UTRN: variants seen among roughly 807,000 people sequenced by gnomAD.
UTRN encodes utrophin.
In UTRN, 283 loss-of-function variants were observed where a neutral mutation model predicts 463.9. That is an observed-to-expected ratio of 0.61 (90% confidence interval 0.55 to 0.67). UTRN has a LOEUF of 0.67. Ranked by LOEUF, UTRN falls within the 30% of genes least tolerant of loss-of-function variation. The probability of loss-of-function intolerance (pLI) is 0.00; values close to 1 mark genes in which losing one functional copy is unlikely to be tolerated. For synonymous variants in UTRN, 1,442 were observed against 1,431.5 expected, an observed-to-expected ratio of 1.01 and a Z score of -0.17; for missense variants, 3,922 against 4,084.3, an observed-to-expected ratio of 0.96 and a Z score of 1.08.
At position 144,533,100 on chromosome 6, in the gene UTRN, A is replaced by C. The variant is rs149019901; in HGVS notation, c.6073A>C (p.Ile2025Leu). ...RIHQQELEVG[I>L]SSHQPSFAAL... ...TCTGTTACAGGAACTTGAGGTGGGC[A>C]TCAGCAGCCACCAGCCCAGTTTTGC... Residue 2025 changes from isoleucine to leucine, a missense_variant, in exon 43 of 75, where the codon ATC becomes CTC. Ile to Leu is a conservative substitution (Grantham distance 5). Around this residue, in one of 3 missense-constraint regions of UTRN, gnomAD observed 2,349 missense variants for 2,303.8 expected, o/e 1.02. Transcript: ENST00000367545. 4 of 1,603,470 alleles carry C rather than the reference A, an allele frequency of 2.5e-6. No homozygotes were observed. The African/African-American group carries it at 5.4e-5, about 21-fold the overall frequency.
intron 13 of UTRN, among the ~76,000 whole-genome samples, chr6:144,442,457 T>C (rs572471470): frequency 1.3e-5 from 2 of 152,312 alleles, no homozygotes; most frequent in South Asian, 4.1e-4. Context: ...CGATTTACTA[T>C]ATTAGTCCAT....
At chr6:144,465,179 C>T (rs1268145514) in intron 23 of UTRN, among the ~76,000 whole-genome samples, 1 of 152,200 alleles carries the variant, frequency 6.6e-6, no homozygotes, top group Non-Finnish European at 1.5e-5. Flanking sequence ...CCTTTGTTTT[C>T]AGATTTAAGT....
At chr6:144,502,367 G>A (rs1328242845) in intron 34 of UTRN, among the ~76,000 whole-genome samples, 1 of 151,572 alleles carries the variant, frequency 6.6e-6, no homozygotes, top group Non-Finnish European at 1.5e-5. Flanking sequence ...TCATCAACCC[G>A]TCATCTACAT....
intron 53 of UTRN, among the ~76,000 whole-genome samples, chr6:144,709,460 CA>C (rs1785440541): frequency 6.6e-6 from 1 of 152,018 alleles, no homozygotes; most frequent in Non-Finnish European, 1.5e-5. Flanking sequence ...TCTTACAGCT[CA>C]AAAGTACATA....
At chr6:144,823,141 AT>A (rs1318416125) in intron 66 of UTRN, among the ~76,000 whole-genome samples, 1 of 152,128 alleles carries the variant, frequency 6.6e-6, no homozygotes, top group Non-Finnish European at 1.5e-5. Context: ...GCCTCAATTC[AT>A]TCAATTGAAA....
chr6:144,642,147 T>C (rs962648753), intron 51 of UTRN, among the ~76,000 whole-genome samples: 2 of 152,222 alleles, frequency 1.3e-5, no homozygotes, highest in Non-Finnish European at 2.9e-5. Flanking sequence ...TCTGAACTTC[T>C]CTTTTTATTA....
chr6:144,511,153 A>G (rs906591785), intron 35 of UTRN, 30 bp downstream of exon 35: 19 of 1,457,932 alleles, frequency 1.3e-5, no homozygotes, highest in Non-Finnish European at 1.6e-5. Context: ...AAATGATGAA[A>G]TCTTCTCCTC....
chr6:144,771,553 G>A (rs1448489707), intron 58 of UTRN, among the ~76,000 whole-genome samples: 1 of 152,012 alleles, frequency 6.6e-6, no homozygotes, highest in Non-Finnish European at 1.5e-5. Context: ...ACCCTCCTGA[G>A]TAGCTAGGAC....
At chr6:144,718,126 A>G (rs896392896) in intron 53 of UTRN, among the ~76,000 whole-genome samples, 1 of 152,186 alleles carries the variant, frequency 6.6e-6, no homozygotes, top group African/African-American at 2.4e-5. Flanking sequence ...AAAGAAATTC[A>G]GTCTGAGACA....
chr6:144,297,405 C>T lies in UTRN; in HGVS notation c.79+5498C>T, dbSNP rs17073580. 0.014 allele frequency among the ~76,000 whole-genome samples: 2,067 copies of T among 152,164 alleles called. 88 individuals are homozygous for T. The East Asian group carries it at 0.16, about 12-fold the overall frequency. ...TTATGAAAATTCTGAGGAGGATTAC[C>T]TTATTTGTTTATCTTTCTGAGGCCT... On this transcript the variant is annotated intron_variant, in intron 2 of 74. Coordinates refer to ENST00000367545, the MANE Select transcript of UTRN (RefSeq NM_007124.3).
At chr6:144,477,777 T>G (rs566262756) in intron 25 of UTRN, among the ~76,000 whole-genome samples, 2 of 152,332 alleles carry the variant, frequency 1.3e-5, no homozygotes, top group South Asian at 4.1e-4. Flanking sequence ...TCTGATGGCA[T>G]GTGCCTTAAG....
chr6:144,676,453 T>C (rs1781597606), intron 51 of UTRN, among the ~76,000 whole-genome samples: 1 of 152,166 alleles, frequency 6.6e-6, no homozygotes, highest in Admixed American at 6.6e-5. Context: ...TCTCTGTTTT[T>C]GTGTGTGCAT....
chr6:144,569,379 G>A (rs1390754577), intron 50 of UTRN, among the ~76,000 whole-genome samples: 1 of 151,678 alleles, frequency 6.6e-6, no homozygotes, highest in African/African-American at 2.4e-5. Flanking sequence ...AGCTATATAT[G>A]CATTAAAAAA....
chr6:144,436,554 C>A (rs1194465461), intron 10 of UTRN, among the ~76,000 whole-genome samples: 1 of 151,810 alleles, frequency 6.6e-6, no homozygotes, highest in Non-Finnish European at 1.5e-5. Context: ...TTTTTCATAT[C>A]ATAAAAGTTT....
intron 68 of UTRN, among the ~76,000 whole-genome samples, chr6:144,828,333 GAAA>G (rs1309219070): frequency 1.3e-5 from 2 of 152,156 alleles, no homozygotes; most frequent in Non-Finnish European, 2.9e-5. Flanking sequence ...AGGGGAAAGA[GAAA>G]TAGATGAGAA....
intron 64 of UTRN, 89 bp from the exon 65 acceptor site, chr6:144,802,947 T>C: frequency 1.1e-6 from 1 of 879,502 alleles, no homozygotes; most frequent in Non-Finnish European, 1.6e-6. Flanking sequence ...TTTTATTTTT[T>C]GGTAATTCGG....
At chr6:144,501,857 A>G (rs192731308) in intron 34 of UTRN, among the ~76,000 whole-genome samples, 7 of 152,326 alleles carry the variant, frequency 4.6e-5, no homozygotes, top group Admixed American at 4.6e-4. Context: ...ACCACATGCG[A>G]ATGAGAATTT....
chr6:144,772,948 A>G (rs1450650038), intron 59 of UTRN, among the ~76,000 whole-genome samples: 4 of 150,196 alleles, frequency 2.7e-5, no homozygotes, highest in African/African-American at 9.8e-5. Context: ...CCCTTTTTTA[A>G]TCTCTTTAAA....
intron 2 of UTRN, among the ~76,000 whole-genome samples, chr6:144,339,553 TTTTC>T (rs1252482372): frequency 2.0e-5 from 3 of 149,070 alleles, no homozygotes; most frequent in Non-Finnish European, 1.5e-5. Flanking sequence ...CTGTGTACTC[TTTTC>T]TTTTTTTTTT....
Sources: gnomAD v4.1 joint callset for allele counts (sites outside exome capture counted in the v4.1 genomes callset) on GRCh38, gnomAD v4.1.1 for gene constraint, gnomAD v4.1.1 regional missense constraint, MANE v1.5 for transcripts, NCBI Gene and HGNC (gene_info 2026-07-23, HGNC 2026-07-21) for gene names.